CDH18: variants seen among roughly 807,000 people sequenced by gnomAD.
The protein encoded by CDH18 is cadherin-18.
In CDH18, 31 loss-of-function variants were observed where a neutral mutation model predicts 67.9. The observed-to-expected ratio is 0.46, with a 90% confidence interval of 0.34 to 0.62. The LOEUF (loss-of-function observed/expected upper bound fraction) is 0.62. Among genes scored for constraint, CDH18 ranks in the 20% least tolerant of loss-of-function variants. CDH18 has a pLI of 0.01. For synonymous variants in CDH18, 362 were observed against 347.2 expected (o/e 1.04, Z -0.48); for missense variants, 890 against 975.5 (o/e 0.91, Z 1.17).
chr5:20,406,999 A>G (rs1185605357), intron 1 of CDH18, among the ~76,000 whole-genome samples: 2 of 152,188 alleles, frequency 1.3e-5, no homozygotes, highest in African/African-American at 4.8e-5. Context: ...GAGCTAGACC[A>G]TGGGTCAAAT....
chr5:20,044,663 T>A (rs2150479096), intron 2 of CDH18, among the ~76,000 whole-genome samples: 1 of 152,252 alleles, frequency 6.6e-6, no homozygotes, highest in African/African-American at 2.4e-5. Context: ...TCAGGAACAC[T>A]TTGAATTGTA....
chr5:20,346,052 A>T (rs1051358988), intron 1 of CDH18, among the ~76,000 whole-genome samples: 1 of 152,084 alleles, frequency 6.6e-6, no homozygotes, highest in African/African-American at 2.4e-5. Context: ...CACTTTCCTA[A>T]ATGTTTCCAA....
At chr5:19,714,232 C>T (rs542492253) in intron 5 of CDH18, among the ~76,000 whole-genome samples, 168 of 151,962 alleles carry the variant, frequency 1.1e-3, no homozygotes, top group Non-Finnish European at 1.7e-3. Flanking sequence ...TCAGTGGCCT[C>T]ACTGGCCAGA....
intron 2 of CDH18, among the ~76,000 whole-genome samples, chr5:20,095,352 A>ACAG (rs1745823024): frequency 1.8e-5 from 2 of 109,976 alleles, no homozygotes; most frequent in Non-Finnish European, 3.8e-5. Flanking sequence ...AGAAAGAAAG[A>ACAG]AAGAAAGAAA....
intron 1 of CDH18, among the ~76,000 whole-genome samples, chr5:20,457,407 T>G (rs1750911174): frequency 1.3e-5 from 2 of 152,164 alleles, no homozygotes; most frequent in African/African-American, 2.4e-5. Context: ...ACACATTCAA[T>G]TCTCCAAAAA....
At chr5:19,941,032 G>A (rs1349448819) in intron 2 of CDH18, among the ~76,000 whole-genome samples, 5 of 152,048 alleles carry the variant, frequency 3.3e-5, no homozygotes, top group Non-Finnish European at 5.9e-5. Flanking sequence ...CTAAATGTTT[G>A]TGTTTCTCCA....
intron 1 of CDH18, among the ~76,000 whole-genome samples, chr5:20,364,924 G>A (rs1010746187): frequency 1.3e-5 from 2 of 152,116 alleles, no homozygotes; most frequent in Non-Finnish European, 2.9e-5. Flanking sequence ...GAGTACATGG[G>A]AATTGTTTTT....
chr5:20,019,796 T>C (rs1447765663), intron 2 of CDH18, among the ~76,000 whole-genome samples: 1 of 152,160 alleles, frequency 6.6e-6, no homozygotes, highest in Non-Finnish European at 1.5e-5. Flanking sequence ...TATATAGATA[T>C]CTGAAAATGT....
chr5:20,306,295 G>T (rs1561956946), intron 1 of CDH18, among the ~76,000 whole-genome samples: 1 of 151,894 alleles, frequency 6.6e-6, no homozygotes, highest in African/African-American at 2.4e-5. Context: ...TCAATAGCAG[G>T]TTTTTTTCAT....
chr5:20,408,386 G>A (rs1746483964), intron 1 of CDH18, among the ~76,000 whole-genome samples: 1 of 151,698 alleles, frequency 6.6e-6, no homozygotes, highest in Non-Finnish European at 1.5e-5. Context: ...TTAATCTTGG[G>A]GGTAAATCCT....
chr5:19,709,900 C>T (rs796223281), intron 5 of CDH18, among the ~76,000 whole-genome samples: 55 of 152,118 alleles, frequency 3.6e-4, no homozygotes, highest in African/African-American at 1.2e-3. Context: ...TTTGGGAGGC[C>T]GAGGTGGGTG....
intron 5 of CDH18, among the ~76,000 whole-genome samples, chr5:19,648,011 A>C (rs1306474917): frequency 6.6e-6 from 1 of 152,184 alleles, no homozygotes; most frequent in Non-Finnish European, 1.5e-5. Flanking sequence ...ATTTGTTTTC[A>C]AGACAATTGA....
intron 1 of CDH18, among the ~76,000 whole-genome samples, chr5:20,356,149 G>A (rs763660838): frequency 1.3e-5 from 2 of 152,144 alleles, no homozygotes; most frequent in African/African-American, 2.4e-5. Flanking sequence ...TTGGGAGGCC[G>A]AGGTGGGCGG....
intron 3 of CDH18, among the ~76,000 whole-genome samples, chr5:19,806,041 G>A (rs1212538619): frequency 1.3e-5 from 2 of 152,134 alleles, no homozygotes. Flanking sequence ...CATGCACTCT[G>A]CTCCAACCGT....
chr5:19,593,739 T>TTCTTCTTCTTCTTCTTCTTCTTCC (rs1561426496), intron 6 of CDH18, among the ~76,000 whole-genome samples: 1 of 146,762 alleles, frequency 6.8e-6, no homozygotes, highest in Non-Finnish European at 1.5e-5. Context: ...CTTCTTCTTC[T>TTCTTCTTCTTCTTCTTCTTCTTCC]TCTTCTTCTT....
At position 20,058,160 on chromosome 5, in the gene CDH18, TC is replaced by T. The variant is rs562858848; in HGVS notation, c.-517-66147del. Reference sequence around the variant, plus strand: ...TAGTCAAATGTCAGAGATTTATCTTTCTTTCCTAAATGAATGTACACATCGA... The same window carrying T: ...TAGTCAAATGTCAGAGATTTATCTTTTTTCCTAAATGAATGTACACATCGA... On this transcript the variant is annotated intron_variant, in intron 2 of 14. Transcript: ENST00000507958. 9.2e-5 allele frequency among the ~76,000 whole-genome samples: 14 copies of T among 152,284 alleles called. 1 individual carries two copies. The East Asian group carries it at 2.7e-3, about 29-fold the overall frequency.
At chr5:20,130,007 G>A (rs1204501458) in intron 2 of CDH18, among the ~76,000 whole-genome samples, 2 of 151,150 alleles carry the variant, frequency 1.3e-5, no homozygotes, top group Non-Finnish European at 2.9e-5. Context: ...CATGAATATA[G>A]ACAGCTAGTC....
At chr5:20,371,811 A>G (rs1469722416) in intron 1 of CDH18, among the ~76,000 whole-genome samples, 1 of 152,168 alleles carries the variant, frequency 6.6e-6, no homozygotes, top group Admixed American at 6.5e-5. Context: ...CTTGTGACAC[A>G]AGGAGAAATT....
chr5:20,007,413 C>A (rs905144684), intron 2 of CDH18, among the ~76,000 whole-genome samples: 2 of 150,794 alleles, frequency 1.3e-5, no homozygotes, highest in African/African-American at 4.9e-5. Context: ...TGAGTTGATT[C>A]ATGCTTGAAA....
Sources: gnomAD v4.1 joint callset for allele counts (sites outside exome capture counted in the v4.1 genomes callset) on GRCh38, gnomAD v4.1.1 for gene constraint, MANE v1.5 for transcripts, NCBI Gene and HGNC (gene_info 2026-07-23, HGNC 2026-07-21) for gene names.